The following PTCD3 variants were observed in gnomAD, a reference collection of about 807,000 sequenced individuals.
The protein encoded by PTCD3 is small ribosomal subunit protein mS39.
A neutral mutation model predicts 101.9 loss-of-function variants in PTCD3; 89 were observed. That is an observed-to-expected ratio of 0.87 (90% CI 0.74 to 1.04). PTCD3 has a LOEUF of 1.04. Among genes scored for constraint, PTCD3 ranks in the 50% least tolerant of loss-of-function variants. The pLI, the probability that PTCD3 is intolerant of heterozygous loss-of-function variation, is 0.00. For missense variants in PTCD3, 870 were observed against 828.2 expected (o/e 1.05, Z -0.62); for synonymous variants, 296 against 278.5 (o/e 1.06, Z -0.63).
intron 14 of PTCD3, among the ~76,000 whole-genome samples, chr2:86,128,929 C>A (rs1674446689): frequency 6.6e-6 from 1 of 152,164 alleles, no homozygotes; most frequent in Non-Finnish European, 1.5e-5. Flanking sequence ...GTCCATTATC[C>A]CCAGCCTGAG....
At chr2:86,106,552 A>G (rs1362800607) in intron 1 of PTCD3, among the ~76,000 whole-genome samples, 1 of 152,180 alleles carries the variant, frequency 6.6e-6, no homozygotes, top group Admixed American at 6.5e-5. Flanking sequence ...AGAAATACTT[A>G]TTGGTTGCTT....
At position 86,127,152 on chromosome 2, in the gene PTCD3, T is replaced by C; in HGVS notation, c.952-9T>C. On this transcript the variant is annotated splice_polypyrimidine_tract_variant and intron_variant, in intron 12 of 23. Transcript: ENST00000254630. The stretch of plus-strand genomic sequence containing the variant: ...CATGAAAGATACTTCTTGTTTTTTA[T>C]TCACCTAGGAGCTGCTAAGACACAT... 1 of 1,598,028 alleles carries C rather than the reference T, an allele frequency of 6.3e-7. No individual in the cohort carries two copies. Among genetic ancestry groups the C allele is most frequent in the Non-Finnish European group, 8.5e-7 (1 of 1,173,236 alleles).
In PTCD3 at chr2:86,125,435, CTTAATT is replaced by C. The variant is rs1558797764; in HGVS notation, c.805-17_805-12del. 1 of 1,606,282 alleles carries C rather than the reference CTTAATT, an allele frequency of 6.2e-7. No homozygotes were observed. The highest frequency in any genetic ancestry group is 1.1e-5 in the South Asian group (1 of 90,936). On this transcript the variant is annotated splice_polypyrimidine_tract_variant and intron_variant, in intron 10 of 23. Coordinates refer to ENST00000254630, the MANE Select transcript of PTCD3 (RefSeq NM_017952.6). ...TCTTAAGTAAATGAATTTGATGATGCTTAATTTTTCCTTTTCCAGCACCGAGCTTAT... is the reference window on the plus strand; with the variant it reads ...TCTTAAGTAAATGAATTTGATGATGCTTTCCTTTTCCAGCACCGAGCTTAT...
chr2:86,110,824 G>A (rs561210586), intron 3 of PTCD3, among the ~76,000 whole-genome samples: 59 of 152,348 alleles, frequency 3.9e-4, no homozygotes, highest in African/African-American at 1.4e-3. Context: ...GTGGGTAGAG[G>A]AAGTAGGCCA....
At chr2:86,132,507 C>T (rs537153210) in intron 17 of PTCD3, 83 bp downstream of exon 17, 180 of 915,558 alleles carry the variant, frequency 2.0e-4, no homozygotes, top group Middle Eastern at 1.3e-3. Context: ...TCATACCTCA[C>T]CTCTGGTTTC....
intron 14 of PTCD3, among the ~76,000 whole-genome samples, chr2:86,129,860 T>C (rs1674464605): frequency 6.6e-6 from 1 of 152,132 alleles, no homozygotes; most frequent in Non-Finnish European, 1.5e-5. Context: ...TAGAGAAATA[T>C]TTGACTGGGA....
At chr2:86,124,645 G>A (rs1674350024) in intron 9 of PTCD3, among the ~76,000 whole-genome samples, 1 of 152,214 alleles carries the variant, frequency 6.6e-6, no homozygotes, top group Admixed American at 6.5e-5. Context: ...CCTCTGGGAA[G>A]TAGTATCTGA....
At chr2:86,123,586 CTA>C (rs1266471534) in intron 8 of PTCD3, 113 bp from the exon 9 acceptor site, 5 of 736,134 alleles carry the variant, frequency 6.8e-6, no homozygotes, top group Admixed American at 6.1e-5. Context: ...TCTGCTGGAT[CTA>C]TGTTTCCTTT....
chr2:86,119,353 C>G (rs1192303116), intron 7 of PTCD3, among the ~76,000 whole-genome samples: 1 of 108,272 alleles, frequency 9.2e-6, no homozygotes, highest in Non-Finnish European at 2.0e-5. Flanking sequence ...TTTCCTGTAC[C>G]CTTTTCCTTT....
In PTCD3 at chr2:86,131,977, T is replaced by A. The variant is rs572598225; in HGVS notation, c.1267-341T>A. On this transcript the variant is annotated intron_variant, in intron 16 of 23. Transcript: ENST00000254630. ...GTTGGCAGCAACCAGTATTTCATAG[T>A]AAGAACCATAACTTAACTTTCCTGT... Among the ~76,000 whole-genome samples, 80 of 152,346 alleles carry A rather than the reference T, an allele frequency of 5.3e-4. 1 individual carries two copies. Among genetic ancestry groups the A allele is most frequent in the African/African-American group, 1.8e-3 (73 of 41,570 alleles).
Position 86,127,164 on chromosome 2 carries a change from C to G in PTCD3, c.955C>G (p.Leu319Val), listed in dbSNP as rs552042768. 1.2e-5 allele frequency: 19 copies of G among 1,610,452 alleles called. No individual in the cohort carries two copies. The Admixed American group carries it at 1.3e-4, about 11-fold the overall frequency. Residue 319 changes from leucine to valine, a missense_variant, in exon 13 of 24, where the codon CTG becomes GTG. Leu to Val is a conservative substitution (Grantham distance 32). Transcript: ENST00000254630. ...TTCTTGTTTTTTATTCACCTAGGAGCTGCTAAGACACATGGTTGCACAGAA... is the reference window on the plus strand; with the variant it reads ...TTCTTGTTTTTTATTCACCTAGGAGGTGCTAAGACACATGGTTGCACAGAA... ...FEEKWSKILE[L>V]LRHMVAQKVK...
chr2:86,137,723 T>C lies in PTCD3; in HGVS notation c.*164T>C, dbSNP rs992452337. The C allele has an allele frequency of 6.4e-6, 6 of 941,760 alleles. No individual in the cohort carries two copies. The African/African-American group carries it at 8.3e-5, about 13-fold the overall frequency. The allele number at this position is 941,760 out of a possible 1,614,324, so 58.3% of individuals were successfully genotyped here. Reference sequence around the variant, plus strand: ...TCAGTACACAGCTGACTTATGTAGATTTAAGCTGCTAATATGCTACTTAAC... The same window carrying C: ...TCAGTACACAGCTGACTTATGTAGACTTAAGCTGCTAATATGCTACTTAAC... On this transcript the variant is annotated 3_prime_UTR_variant, in exon 24 of 24. Transcript: ENST00000254630.
Position 86,117,067 on chromosome 2 carries a change from C to A in PTCD3, c.322C>A (p.Leu108Met). ...TTTCTTTATATAGCGTTCATTTTTA[C>A]TGGCAAAGAAATCCGGGGAGAATGT... ...ASSLESRSFL[L>M]AKKSGENVAK... is the part of the protein sequence containing the mutation. The change falls in exon 6 of 24, where the codon CTG becomes ATG. Residue 108 changes from leucine to methionine, a missense_variant. Transcript: ENST00000254630. The A allele has an allele frequency of 7.5e-7, 1 of 1,330,256 alleles. No homozygotes were observed. Among genetic ancestry groups the A allele is most frequent in the Non-Finnish European group, 1.1e-6 (1 of 922,048 alleles). The allele number at this position is 1,330,256 out of a possible 1,614,324, so 82.4% of individuals were successfully genotyped here.
intron 9 of PTCD3, among the ~76,000 whole-genome samples, chr2:86,124,628 C>T (rs1674349696): frequency 6.6e-6 from 1 of 152,234 alleles, no homozygotes; most frequent in East Asian, 1.9e-4. Context: ...CAAAAGAAAC[C>T]GTTTTGCCTC....
chr2:86,123,805 A>AGCT (rs1558797255), intron 9 of PTCD3, 43 bp downstream of exon 9: 1 of 1,382,584 alleles, frequency 7.2e-7, no homozygotes, highest in Non-Finnish European at 9.9e-7. Flanking sequence ...AGTGTCTTAC[A>AGCT]GTGCATGGAA....
chr2:86,121,464 GTC>G lies in PTCD3; in HGVS notation c.539-11_539-10del, dbSNP rs1397344190. The G allele has an allele frequency of 6.7e-7, 1 of 1,497,400 alleles. No homozygotes were observed. Among genetic ancestry groups the G allele is most frequent in the Non-Finnish European group, 9.1e-7 (1 of 1,095,096 alleles). The allele number at this position is 1,497,400 out of a possible 1,614,324, so 92.8% of individuals were successfully genotyped here. A position where few individuals can be genotyped will look rare whatever the true frequency, so the allele number is the denominator to read the frequency against. On this transcript the variant is annotated splice_polypyrimidine_tract_variant and intron_variant, in intron 7 of 23. Transcript: ENST00000254630. ...TGTTTCAAGGTTTCTTTATCTTTCT[GTC>G]TCTTACCCACAGGAACCACTGTGTC...
chr2:86,124,985 T>C lies in PTCD3; in HGVS notation c.717-10T>C, dbSNP rs1339060176. On this transcript the variant is annotated splice_polypyrimidine_tract_variant and intron_variant, in intron 9 of 23. Coordinates refer to ENST00000254630, the MANE Select transcript of PTCD3 (RefSeq NM_017952.6). ...ATTGCCTGGGTTCACATTTACTCTC[T>C]TGTGTCTAGAGCAAAAAACAACGCT... The C allele has an allele frequency of 6.2e-7, 1 of 1,613,494 alleles. No homozygotes were observed. Among genetic ancestry groups the C allele is most frequent in the South Asian group, 1.1e-5 (1 of 90,972 alleles).
chr2:86,123,132 C>G (rs532718021), intron 8 of PTCD3, among the ~76,000 whole-genome samples: 1 of 151,940 alleles, frequency 6.6e-6, no homozygotes, highest in Non-Finnish European at 1.5e-5. Context: ...CGTGGTGGCA[C>G]GCGCCTGTAG....
chr2:86,135,081 C>G (rs7606421), intron 21 of PTCD3, 94 bp downstream of exon 21: 1 of 1,397,910 alleles, frequency 7.2e-7, no homozygotes, highest in Non-Finnish European at 9.7e-7. Context: ...CATTTGGCCA[C>G]ATAACACGTA....
Sources: gnomAD v4.1 joint callset for allele counts (sites outside exome capture counted in the v4.1 genomes callset) on GRCh38, gnomAD v4.1.1 for gene constraint, MANE v1.5 for transcripts, NCBI Gene and HGNC (gene_info 2026-07-23, HGNC 2026-07-21) for gene names.